The following UIMC1 variants were observed in gnomAD, a reference collection of about 807,000 sequenced individuals.
UIMC1 encodes the protein ubiquitin interaction motif containing 1.
Under a neutral mutation model 84.9 loss-of-function variants are expected in UIMC1, and 42 were observed. That is an observed-to-expected ratio of 0.49 (90% CI 0.39 to 0.64). UIMC1 has a LOEUF of 0.64. Among genes scored for constraint, UIMC1 ranks in the 30% least tolerant of loss-of-function variants. The pLI is 0.00. For synonymous variants in UIMC1, 281 were observed against 293.0 expected (o/e 0.96, Z 0.42); for missense variants, 825 against 847.6 (o/e 0.97, Z 0.33).
chr5:176,977,959 AAAC>A (rs1331617245), intron 2 of UIMC1, among the ~76,000 whole-genome samples: 1 of 151,968 alleles, frequency 6.6e-6, no homozygotes, highest in Non-Finnish European at 1.5e-5. Context: ...CAAAAACAAA[AAAC>A]AAACGTCTTC....
intron 10 of UIMC1, among the ~76,000 whole-genome samples, chr5:176,914,953 C>T (rs1386778402): frequency 6.6e-6 from 1 of 152,176 alleles, no homozygotes; most frequent in Non-Finnish European, 1.5e-5. Context: ...TTGCTAAAAT[C>T]CATTCTTAAA....
At chr5:176,995,790 C>A (rs1012538227) in intron 1 of UIMC1, among the ~76,000 whole-genome samples, 1 of 145,954 alleles carries the variant, frequency 6.9e-6, no homozygotes, top group African/African-American at 2.5e-5. Context: ...TTGCGGTGAG[C>A]CGAGATCATG....
chr5:176,970,588 T>C, intron 4 of UIMC1, 154 bp downstream of exon 4: 1 of 1,226,904 alleles, frequency 8.2e-7, no homozygotes, highest in Non-Finnish European at 1.2e-6. Context: ...TAACCAACAA[T>C]TCAACACAGA....
At position 176,969,109 on chromosome 5, in the gene UIMC1, A is replaced by C; in HGVS notation, c.646T>G (p.Ser216Ala). The stretch of plus-strand genomic sequence containing the variant: ...GAGTGGCCAGTACATCTGTCAAAAG[A>C]TTTAACGTTCACATTCTCAAACACT... Reference protein sequence around the residue: ...QPVFENVNVKSFDRCTGHSAE... With the variant: ...QPVFENVNVKAFDRCTGHSAE... The change falls in exon 6 of 15, where the codon TCT becomes GCT. Residue 216 changes from serine to alanine, a missense_variant. By Grantham distance (99) the Ser-to-Ala change is moderately conservative. Transcript: ENST00000511320. 6.2e-7 allele frequency: 1 copy of C among 1,614,186 alleles called. No individual in the cohort carries two copies. Among genetic ancestry groups the C allele is most frequent in the Non-Finnish European group, 8.5e-7 (1 of 1,180,020 alleles).
intron 10 of UIMC1, among the ~76,000 whole-genome samples, chr5:176,924,571 G>A (rs1344111780): frequency 1.3e-5 from 2 of 151,918 alleles, no homozygotes; most frequent in Non-Finnish European, 2.9e-5. Flanking sequence ...TTAATGAACT[G>A]AGTTAGAATA....
chr5:176,925,307 T>C (rs1327893899), intron 10 of UIMC1, among the ~76,000 whole-genome samples: 1 of 152,128 alleles, frequency 6.6e-6, no homozygotes, highest in African/African-American at 2.4e-5. Context: ...ACTACCAGAA[T>C]GGCTAAAATT....
chr5:176,930,867 T>C (rs973028895), intron 10 of UIMC1, among the ~76,000 whole-genome samples: 1 of 152,196 alleles, frequency 6.6e-6, no homozygotes, highest in Non-Finnish European at 1.5e-5. Context: ...AAACCATTTA[T>C]TCTAGGTAAT....
intron 1 of UIMC1, among the ~76,000 whole-genome samples, chr5:176,992,995 G>A (rs1237866538): frequency 1.3e-5 from 2 of 151,766 alleles, no homozygotes; most frequent in Non-Finnish European, 2.9e-5. Context: ...AGACCAGCAT[G>A]GCCAACATGG....
intron 1 of UIMC1, among the ~76,000 whole-genome samples, chr5:176,988,423 A>G (rs564586872): frequency 2.6e-4 from 40 of 152,294 alleles, no homozygotes; most frequent in African/African-American, 9.1e-4. Flanking sequence ...CAGACATAAA[A>G]GGCACATATT....
intron 3 of UIMC1, among the ~76,000 whole-genome samples, chr5:176,974,077 A>G (rs1444555691): frequency 6.6e-6 from 1 of 152,176 alleles, no homozygotes; most frequent in Non-Finnish European, 1.5e-5. Flanking sequence ...GTAGTAATAA[A>G]CAAATAATAA....
At chr5:176,906,606 A>G (rs1233017101) in intron 13 of UIMC1, among the ~76,000 whole-genome samples, 1 of 152,250 alleles carries the variant, frequency 6.6e-6, no homozygotes, top group Non-Finnish European at 1.5e-5. Context: ...GAGCTTTACC[A>G]GATACAATTC....
At chr5:176,994,835 T>TG (rs1387592476) in intron 1 of UIMC1, among the ~76,000 whole-genome samples, 1 of 152,140 alleles carries the variant, frequency 6.6e-6, no homozygotes, top group East Asian at 1.9e-4. Flanking sequence ...AGGCATAGCT[T>TG]GTGATCATGC....
intron 7 of UIMC1, among the ~76,000 whole-genome samples, chr5:176,957,117 G>T (rs1013088140): frequency 5.3e-5 from 8 of 152,106 alleles, no homozygotes; most frequent in African/African-American, 1.9e-4. Flanking sequence ...ATAAAGCAGA[G>T]AGGCCTATAG....
intron 10 of UIMC1, among the ~76,000 whole-genome samples, chr5:176,913,992 C>G (rs12659379): frequency 0.31 from 45,956 of 150,110 alleles, 8,648 homozygotes; most frequent in East Asian, 0.5. Context: ...TAATACCATA[C>G]CATACCATAC....
intron 10 of UIMC1, among the ~76,000 whole-genome samples, chr5:176,920,102 A>ACCTCCG: frequency 6.6e-6 from 1 of 151,766 alleles, no homozygotes; most frequent in South Asian, 2.1e-4. Flanking sequence ...GCACACCACA[A>ACCTCCG]CCTCCGCCTC....
chr5:176,978,756 A>AG, intron 2 of UIMC1, among the ~76,000 whole-genome samples: 1 of 152,314 alleles, frequency 6.6e-6, no homozygotes. Flanking sequence ...TGATTAAAGG[A>AG]GAAAAACTAC....
chr5:176,971,800 T>G (rs1270017652), intron 3 of UIMC1, among the ~76,000 whole-genome samples: 1 of 151,788 alleles, frequency 6.6e-6, no homozygotes, highest in Non-Finnish European at 1.5e-5. Context: ...TCCCAGCTAC[T>G]TGGGAAGCTG....
Position 176,905,326 on chromosome 5 carries a change from G to A in UIMC1, c.2116C>T (p.Arg706Trp), listed in dbSNP as rs371949231. 17 of 1,613,906 alleles carry A rather than the reference G, an allele frequency of 1.1e-5. No individual in the cohort carries two copies. The African/African-American group carries it at 1.2e-4, about 11-fold the overall frequency. Residue 706 changes from arginine to tryptophan, a missense_variant, in exon 15 of 15, where the codon CGG becomes TGG. By Grantham distance (101) the Arg-to-Trp change is moderately radical (BLOSUM62 -3). Transcript: ENST00000511320. ...KKQVTVQPGS[R>W]TRTKAGRGRR... is the part of the protein sequence containing the mutation. ...CCTCTGCCAGCTTTGGTCCGTGTCCGACTACCTGGCTGGACAGTAACTTGC... is the reference window on the plus strand; with the variant it reads ...CCTCTGCCAGCTTTGGTCCGTGTCCAACTACCTGGCTGGACAGTAACTTGC...
At chr5:176,939,094 G>GAAAATAT (rs1764087465) in intron 10 of UIMC1, among the ~76,000 whole-genome samples, 2 of 151,366 alleles carry the variant, frequency 1.3e-5, no homozygotes, top group Non-Finnish European at 2.9e-5. Context: ...CTCTACAAAA[G>GAAAATAT]AAAATATAAA....
Sources: allele counts gnomAD v4.1 joint callset (sites outside exome capture counted in the v4.1 genomes callset), GRCh38; gene constraint gnomAD v4.1.1; transcripts MANE v1.5; gene names NCBI Gene and HGNC (gene_info 2026-07-23, HGNC 2026-07-21).